Variants in KDM4B observed in about 807,000 individuals in gnomAD.
The protein encoded by KDM4B is lysine-specific demethylase 4B.
In KDM4B, 32 loss-of-function variants were observed where a neutral mutation model predicts 125.2. That is an observed-to-expected ratio of 0.26 (90% CI 0.19 to 0.34). The LOEUF (loss-of-function observed/expected upper bound fraction) is 0.34. Ranked by LOEUF, KDM4B falls within the 10% of genes least tolerant of loss-of-function variation. The probability of loss-of-function intolerance (pLI) is 1.00; values close to 1 mark genes in which losing one functional copy is unlikely to be tolerated. For missense variants in KDM4B, 1,190 were observed against 1,577.7 expected (o/e 0.75, Z 4.16); for synonymous variants, 721 against 677.9 (o/e 1.06, Z -0.99).
intron 9 of KDM4B, among the ~76,000 whole-genome samples, 190 bp from the exon 10 acceptor site, chr19:5,110,432 A>G (rs2039117322): frequency 6.6e-6 from 1 of 152,184 alleles, no homozygotes; most frequent in South Asian, 2.1e-4. Flanking sequence ...TGATTGCACC[A>G]CTGCACTCCA....
intron 1 of KDM4B, among the ~76,000 whole-genome samples, chr19:4,982,988 G>A (rs940178736): frequency 2.0e-5 from 3 of 152,274 alleles, no homozygotes; most frequent in South Asian, 2.1e-4. Flanking sequence ...TTTTCTGGTA[G>A]CTGAGTTAAA....
intron 1 of KDM4B, among the ~76,000 whole-genome samples, chr19:4,995,870 C>T (rs772229763): frequency 1.1e-3 from 166 of 152,162 alleles, no homozygotes; most frequent in Non-Finnish European, 1.8e-3. Flanking sequence ...GTTGGCGCTC[C>T]TGGTCGCCGC....
chr19:4,985,842 G>A (rs903664911), intron 1 of KDM4B, among the ~76,000 whole-genome samples: 3 of 152,224 alleles, frequency 2.0e-5, no homozygotes, highest in Admixed American at 6.5e-5. Flanking sequence ...CTGGGAGCGC[G>A]GATTGGGACT....
At chr19:4,989,472 G>C (rs907930707) in intron 1 of KDM4B, among the ~76,000 whole-genome samples, 2 of 149,836 alleles carry the variant, frequency 1.3e-5, no homozygotes, top group Non-Finnish European at 3.0e-5. Flanking sequence ...CCCAGTAGCT[G>C]GGATTACAGG....
chr19:4,983,103 T>C lies in KDM4B; in HGVS notation c.-109+13873T>C, dbSNP rs192239504. ...CATGTAATCATCATCTTCAAAACTG[T>C]TGGTGAGATGTTTCACACTGCTTTT... On this transcript the variant is annotated intron_variant, in intron 1 of 22. Coordinates refer to ENST00000159111, the MANE Select transcript of KDM4B (RefSeq NM_015015.3). Among the ~76,000 whole-genome samples the C allele has an allele frequency of 2.6e-5, 4 of 152,232 alleles. No homozygotes were observed. The East Asian group carries it at 7.7e-4, about 29-fold the overall frequency.
In KDM4B at chr19:5,078,384, C is replaced by T. The variant is rs559429954; in HGVS notation, c.780+914C>T. 1.3e-5 allele frequency: 2 copies of T among 152,304 alleles called. No homozygotes were observed. Among genetic ancestry groups the T allele is most frequent in the African/African-American group, 4.8e-5 (2 of 41,546 alleles). The allele number at this position is 152,304 out of a possible 1,614,324, so 9.4% of individuals were successfully genotyped here. A position where few individuals can be genotyped will look rare whatever the true frequency, so the allele number is the denominator to read the frequency against. On this transcript the variant is annotated intron_variant, in intron 8 of 22. Transcript: ENST00000159111. This position sits in a 1 kb window ranked among gnomAD's most constrained non-coding sequence, Gnocchi z 4.5. ...GCTTGTGACATTTCAATCAAACCGC[C>T]AAAGCATCAGCTCACACATCGGGGA... is the stretch of plus-strand genomic sequence containing the variant.
chr19:5,018,427 GACAGGA>G (rs1331732884), intron 2 of KDM4B, among the ~76,000 whole-genome samples: 1 of 152,210 alleles, frequency 6.6e-6, no homozygotes, highest in Non-Finnish European at 1.5e-5. Context: ...GAGCACAGGA[GACAGGA>G]GTAAGGGAGC....
At chr19:5,110,854 C>A in intron 10 of KDM4B, 36 bp downstream of exon 10, 2 of 1,499,152 alleles carry the variant, frequency 1.3e-6, no homozygotes, top group South Asian at 2.5e-5. Flanking sequence ...GACTGCCCAG[C>A]ATCACGGGGG....
chr19:4,984,338 G>A (rs1159324658), intron 1 of KDM4B, among the ~76,000 whole-genome samples: 3 of 152,206 alleles, frequency 2.0e-5, no homozygotes, highest in African/African-American at 7.2e-5. Flanking sequence ...GACAGCTTAG[G>A]GTTTATGCTG....
intron 14 of KDM4B, among the ~76,000 whole-genome samples, chr19:5,135,041 C>T (rs758046825): frequency 3.3e-5 from 5 of 152,328 alleles, no homozygotes; most frequent in Admixed American, 6.5e-5. Context: ...CATACCCCAG[C>T]GCCAGGGGCC....
intron 2 of KDM4B, among the ~76,000 whole-genome samples, chr19:5,029,466 G>A (rs2036383188): frequency 6.6e-6 from 1 of 152,208 alleles, no homozygotes; most frequent in Non-Finnish European, 1.5e-5. Context: ...TCAAGGTTAT[G>A]GCGCGTGGGG....
chr19:5,147,097 G>A (rs1181531973), intron 21 of KDM4B, among the ~76,000 whole-genome samples: 4 of 151,118 alleles, frequency 2.6e-5, no homozygotes, highest in African/African-American at 7.3e-5. Flanking sequence ...ACTGGACTCC[G>A]AGGAGGGGAG....
chr19:5,123,221 C>T (rs1042754769), intron 11 of KDM4B, among the ~76,000 whole-genome samples: 1 of 152,228 alleles, frequency 6.6e-6, no homozygotes, highest in Non-Finnish European at 1.5e-5. Flanking sequence ...ATATGCTGTG[C>T]TCCGTTTGTT....
intron 2 of KDM4B, 33 bp from the exon 3 acceptor site, chr19:5,032,833 C>T (rs759220125): frequency 5.6e-5 from 89 of 1,591,694 alleles, no homozygotes; most frequent in Non-Finnish European, 6.8e-5. Context: ...ATGGCGGCAC[C>T]GCTGGTTCAC....
chr19:5,034,975 C>T (rs2036572868), intron 3 of KDM4B, among the ~76,000 whole-genome samples: 1 of 152,188 alleles, frequency 6.6e-6, no homozygotes, highest in Admixed American at 6.5e-5. Context: ...CACAGGTGTG[C>T]ACCACCAAGC....
chr19:5,056,659 G>A (rs2037404988), intron 6 of KDM4B, among the ~76,000 whole-genome samples: 1 of 152,208 alleles, frequency 6.6e-6, no homozygotes, highest in Admixed American at 6.5e-5. Context: ...GCCTGCCTTG[G>A]CCTCCCAAAG....
At chr19:5,016,506 T>C (rs1001927148) in intron 2 of KDM4B, among the ~76,000 whole-genome samples, 167 bp downstream of exon 2, 3 of 152,256 alleles carry the variant, frequency 2.0e-5, no homozygotes, top group Non-Finnish European at 2.9e-5. Context: ...CTGCGGGCCA[T>C]GGTAGGGAGG....
chr19:4,975,191 C>T (rs1002181697), intron 1 of KDM4B, among the ~76,000 whole-genome samples: 1 of 152,182 alleles, frequency 6.6e-6, no homozygotes, highest in African/African-American at 2.4e-5. Flanking sequence ...ATATTTTTGG[C>T]TTTGTAAGCC....
At chr19:5,084,887 A>G (rs1189180905) in intron 9 of KDM4B, among the ~76,000 whole-genome samples, 1 of 59,604 alleles carries the variant, frequency 1.7e-5, no homozygotes, top group Non-Finnish European at 3.2e-5. Context: ...CCACCCTTTT[A>G]TAGAGACAGG....
Sources: gnomAD v4.1 joint callset for allele counts (sites outside exome capture counted in the v4.1 genomes callset) on GRCh38, gnomAD v4.1.1 for gene constraint, Gnocchi (gnomAD v3.1) non-coding constraint, MANE v1.5 for transcripts, NCBI Gene and HGNC (gene_info 2026-07-23, HGNC 2026-07-21) for gene names.